Variants in EPM2A observed in about 807,000 individuals in gnomAD.
EPM2A encodes EPM2A glucan phosphatase, laforin.
In EPM2A, 21 loss-of-function variants were observed where a neutral mutation model predicts 26.5. That is an observed-to-expected ratio of 0.79 (90% CI 0.56 to 1.14). The LOEUF is 1.14. EPM2A is among the 50% of genes most tolerant of loss of function. The probability of loss-of-function intolerance (pLI) is 0.00; values close to 1 mark genes in which losing one functional copy is unlikely to be tolerated. For missense variants in EPM2A, 458 were observed against 440.8 expected, an observed-to-expected ratio of 1.04 and a Z score of -0.35; for synonymous variants, 217 against 177.6, an observed-to-expected ratio of 1.22 and a Z score of -1.76.
chr6:145,626,464 T>A lies in EPM2A; in HGVS notation c.*952A>T. 1 of 985,894 alleles carries A rather than the reference T, an allele frequency of 1.0e-6. No individual in the cohort carries two copies. Among genetic ancestry groups the A allele is most frequent in the South Asian group, 4.7e-5 (1 of 21,288 alleles). The allele number at this position is 985,894 out of a possible 1,614,324, so 61.1% of individuals were successfully genotyped here. ...TGTTTTTAAATTAGCTTGCACAAAATACAACTAATTTCCTAGATTCTTTGG... is the reference window on the plus strand; with the variant it reads ...TGTTTTTAAATTAGCTTGCACAAAAAACAACTAATTTCCTAGATTCTTTGG... On this transcript the variant is annotated 3_prime_UTR_variant, in exon 4 of 4. Coordinates refer to ENST00000367519, the MANE Select transcript of EPM2A (RefSeq NM_005670.4).
intron 4 of EPM2A, among the ~76,000 whole-genome samples, chr6:145,443,556 C>T (rs1471508807): frequency 1.3e-5 from 2 of 152,152 alleles, no homozygotes; most frequent in Non-Finnish European, 1.5e-5. Flanking sequence ...TATAGGAATG[C>T]TACTGACTTT....
intron 4 of EPM2A, among the ~76,000 whole-genome samples, chr6:145,421,166 A>C (rs1342319053): frequency 6.6e-6 from 1 of 152,114 alleles, no homozygotes; most frequent in Non-Finnish European, 1.5e-5. Context: ...TCTTTTTTTA[A>C]ATTTTATTTT....
chr6:145,734,577 C>A (rs1414321172), intron 1 of EPM2A: 2 of 152,204 alleles, frequency 1.3e-5, no homozygotes, highest in Non-Finnish European at 2.9e-5. Flanking sequence ...AAATATTCAA[C>A]GTTTTTCCAT....
chr6:145,453,800 C>T (rs1004415625), intron 4 of EPM2A, among the ~76,000 whole-genome samples: 1 of 152,174 alleles, frequency 6.6e-6, no homozygotes, highest in Non-Finnish European at 1.5e-5. Flanking sequence ...TCATGTGTCA[C>T]TGTTGCTTAT....
At chr6:145,539,305 C>A (rs1259993709) in intron 2 of EPM2A, among the ~76,000 whole-genome samples, 3 of 152,144 alleles carry the variant, frequency 2.0e-5, no homozygotes. Context: ...CTCCAGGCAT[C>A]TTATCAGTAC....
intron 2 of EPM2A, among the ~76,000 whole-genome samples, chr6:145,563,055 GCAGA>G (rs1582855917): frequency 6.6e-6 from 1 of 151,858 alleles, no homozygotes; most frequent in East Asian, 2.0e-4. Flanking sequence ...GGAGAGCAAG[GCAGA>G]CACTCGAGCT....
intron 4 of EPM2A, among the ~76,000 whole-genome samples, chr6:145,389,992 T>C (rs1031122532): frequency 2.0e-5 from 3 of 152,150 alleles, no homozygotes; most frequent in African/African-American, 7.2e-5. Flanking sequence ...TAGTCAGGGA[T>C]TTCCTGATAG....
intron 2 of EPM2A, among the ~76,000 whole-genome samples, chr6:145,648,375 A>C (rs943515015): frequency 3.3e-5 from 5 of 152,206 alleles, no homozygotes; most frequent in Non-Finnish European, 7.3e-5. Context: ...GTCTCACTTA[A>C]AATGTACTGA....
intron 1 of EPM2A, among the ~76,000 whole-genome samples, chr6:145,708,938 T>C (rs538796656): frequency 6.6e-6 from 1 of 152,304 alleles, no homozygotes; most frequent in East Asian, 1.9e-4. Flanking sequence ...ATGTGAGATA[T>C]AAAATCAAAG....
At chr6:145,428,497 C>G (rs1422171572) in intron 4 of EPM2A, among the ~76,000 whole-genome samples, 1 of 152,130 alleles carries the variant, frequency 6.6e-6, no homozygotes, top group Non-Finnish European at 1.5e-5. Context: ...CTCTCTCATT[C>G]AATAAGCACT....
chr6:145,511,126 TG>T (rs1780049798), intron 2 of EPM2A, among the ~76,000 whole-genome samples: 7 of 151,898 alleles, frequency 4.6e-5, no homozygotes, highest in Admixed American at 4.6e-4. Context: ...GAAAAGGCCC[TG>T]GACCAAAATC....
chr6:145,506,901 C>A (rs1006776302), intron 2 of EPM2A, among the ~76,000 whole-genome samples: 1 of 152,148 alleles, frequency 6.6e-6, no homozygotes, highest in Non-Finnish European at 1.5e-5. Flanking sequence ...GAGAAACAAG[C>A]AAATAGGGTC....
chr6:145,508,712 G>A (rs1284225221), intron 2 of EPM2A, among the ~76,000 whole-genome samples: 2 of 152,180 alleles, frequency 1.3e-5, no homozygotes, highest in South Asian at 2.1e-4. Flanking sequence ...ACCTCCAAAG[G>A]ATTGTACTAG....
intron 4 of EPM2A, among the ~76,000 whole-genome samples, chr6:145,472,743 C>T (rs1425263439): frequency 2.6e-5 from 4 of 152,076 alleles, no homozygotes; most frequent in African/African-American, 9.7e-5. Context: ...AGCTCAGCCA[C>T]AATACAATAG....
rs574857097 is a variant in EPM2A at position 145,549,090 on chromosome 6, T to C, written c.341-46515A>G. Among the ~76,000 whole-genome samples, 202 of 152,224 alleles carry C rather than the reference T, an allele frequency of 1.3e-3. 1 individual carries two copies. Among genetic ancestry groups the C allele is most frequent in the African/African-American group, 4.7e-3 (196 of 41,564 alleles). Reference sequence around the variant, plus strand: ...GTGACTTTTTGGTCTCTCTTGCTAGTGCACAGGAAAATTCTTCAAAGATAA... The same window carrying C: ...GTGACTTTTTGGTCTCTCTTGCTAGCGCACAGGAAAATTCTTCAAAGATAA... On this transcript the variant is annotated intron_variant, in intron 2 of 3. Coordinates refer to the EPM2A transcript ENST00000450221.
At chr6:145,407,942 G>A (rs1415844717) in intron 4 of EPM2A, among the ~76,000 whole-genome samples, 1 of 152,114 alleles carries the variant, frequency 6.6e-6, no homozygotes, top group Non-Finnish European at 1.5e-5. Context: ...CCAGTTTAAA[G>A]GTCATTGACA....
chr6:145,445,098 A>G (rs1048222505), intron 4 of EPM2A, among the ~76,000 whole-genome samples: 1 of 152,170 alleles, frequency 6.6e-6, no homozygotes, highest in Non-Finnish European at 1.5e-5. Context: ...CAGGCAATTT[A>G]TAAGTCTGCC....
intron 2 of EPM2A, among the ~76,000 whole-genome samples, chr6:145,575,784 T>TA (rs1489992715): frequency 1.3e-5 from 2 of 152,178 alleles, no homozygotes; most frequent in Non-Finnish European, 2.9e-5. Context: ...ATCCTTAGCA[T>TA]TTTTGGGTCT....
chr6:145,444,600 A>G (rs552568896), intron 4 of EPM2A, among the ~76,000 whole-genome samples: 1 of 152,322 alleles, frequency 6.6e-6, no homozygotes, highest in South Asian at 2.1e-4. Flanking sequence ...GACCCATAGA[A>G]TGAGTTGGGG....
Sources: gnomAD v4.1 joint callset for allele counts (sites outside exome capture counted in the v4.1 genomes callset) on GRCh38, gnomAD v4.1.1 for gene constraint, MANE v1.5 for transcripts, NCBI Gene and HGNC (gene_info 2026-07-23, HGNC 2026-07-21) for gene names.